The following FSTL1 variants were observed in gnomAD, a reference collection of about 807,000 sequenced individuals.
FSTL1 encodes follistatin-related protein 1.
In FSTL1, 24 loss-of-function variants were observed where a neutral mutation model predicts 45.9. The ratio of observed to expected loss-of-function variants is 0.52; its 90% CI spans 0.38 to 0.74. The LOEUF is 0.74. Ranked by LOEUF, FSTL1 falls within the 30% of genes least tolerant of loss-of-function variation. The pLI, the probability that FSTL1 is intolerant of heterozygous loss-of-function variation, is 0.00. For synonymous variants in FSTL1, 120 were observed against 137.6 expected, an observed-to-expected ratio of 0.87 and a Z score of 0.89; for missense variants, 340 against 381.8, an observed-to-expected ratio of 0.89 and a Z score of 0.91.
chr3:120,403,447 T>C, intron 7 of FSTL1, 93 bp from the exon 8 acceptor site: 1 of 725,518 alleles, frequency 1.4e-6, no homozygotes, highest in Admixed American at 2.4e-5. Flanking sequence ...ACCCAGGGCC[T>C]CCACAGGAGG....
At chr3:120,442,570 G>A (rs1426443338) in intron 2 of FSTL1, among the ~76,000 whole-genome samples, 1 of 151,868 alleles carries the variant, frequency 6.6e-6, no homozygotes, top group Non-Finnish European at 1.5e-5. Context: ...ACTTGAGGGT[G>A]GGAGTTCCAG....
intron 10 of FSTL1, among the ~76,000 whole-genome samples, chr3:120,399,152 C>G (rs144044834): frequency 6.6e-6 from 1 of 152,126 alleles, no homozygotes; most frequent in Non-Finnish European, 1.5e-5. Flanking sequence ...ATTCGGTCTA[C>G]GGACAGGTAA....
chr3:120,403,970 A>AAC (rs1936893619), intron 7 of FSTL1, among the ~76,000 whole-genome samples: 1 of 109,600 alleles, frequency 9.1e-6, no homozygotes, highest in East Asian at 7.5e-4. Context: ...ACAAAAACAA[A>AAC]AACAAAAAAA....
intron 2 of FSTL1, among the ~76,000 whole-genome samples, chr3:120,436,432 G>A (rs1937560285): frequency 6.6e-6 from 1 of 152,216 alleles, no homozygotes; most frequent in Non-Finnish European, 1.5e-5. Flanking sequence ...CACACCTGAA[G>A]TGTGTTCCTA....
At chr3:120,427,288 A>G (rs1316528440) in intron 2 of FSTL1, among the ~76,000 whole-genome samples, 1 of 151,828 alleles carries the variant, frequency 6.6e-6, no homozygotes, top group Admixed American at 6.6e-5. Context: ...CTTTGTATGA[A>G]CTCATTTTGA....
chr3:120,431,950 A>G (rs1040999066), intron 2 of FSTL1, among the ~76,000 whole-genome samples: 1 of 152,192 alleles, frequency 6.6e-6, no homozygotes, highest in Non-Finnish European at 1.5e-5. Flanking sequence ...GCCTGTGGAC[A>G]AGTCATTTCA....
At chr3:120,446,694 T>C (rs1937749659) in intron 2 of FSTL1, among the ~76,000 whole-genome samples, 1 of 152,156 alleles carries the variant, frequency 6.6e-6, no homozygotes, top group Non-Finnish European at 1.5e-5. Flanking sequence ...GAGTCTACCA[T>C]CAGAACAATT....
intron 10 of FSTL1, among the ~76,000 whole-genome samples, chr3:120,399,206 T>C (rs1036521801): frequency 8.5e-5 from 13 of 152,116 alleles, no homozygotes; most frequent in East Asian, 3.9e-4. Flanking sequence ...AATAAGCCAG[T>C]AGGAGGATGG....
intron 10 of FSTL1, among the ~76,000 whole-genome samples, chr3:120,398,394 C>T (rs966486071): frequency 3.9e-5 from 6 of 152,158 alleles, no homozygotes; most frequent in Admixed American, 1.3e-4. Context: ...CTGCCTGAGG[C>T]CTTTCTCTGG....
chr3:120,440,771 A>G (rs1458410517), intron 2 of FSTL1, among the ~76,000 whole-genome samples: 1 of 152,260 alleles, frequency 6.6e-6, no homozygotes, highest in African/African-American at 2.4e-5. Context: ...TCTAATGTGA[A>G]CGTGGTGGTT....
At chr3:120,432,746 A>G (rs1049912754) in intron 2 of FSTL1, among the ~76,000 whole-genome samples, 2 of 152,054 alleles carry the variant, frequency 1.3e-5, no homozygotes, top group African/African-American at 2.4e-5. Flanking sequence ...GGAACTCCCA[A>G]CTCCACTGAA....
At chr3:120,420,802 T>C (rs545151858) in intron 2 of FSTL1, among the ~76,000 whole-genome samples, 3 of 152,334 alleles carry the variant, frequency 2.0e-5, no homozygotes, top group African/African-American at 7.2e-5. Flanking sequence ...CACAGCTACA[T>C]GTGACTGGTC....
At chr3:120,401,251 G>A (rs536226435) in intron 9 of FSTL1, among the ~76,000 whole-genome samples, 1 of 152,310 alleles carries the variant, frequency 6.6e-6, no homozygotes, top group East Asian at 1.9e-4. Flanking sequence ...GTTTGGTCTG[G>A]AGATCCTGGC....
chr3:120,412,045 ACACACATACATG>A, intron 3 of FSTL1, 62 bp from the exon 4 acceptor site: 3 of 707,644 alleles, frequency 4.2e-6, no homozygotes, highest in Non-Finnish European at 4.5e-6. Flanking sequence ...AGACACACAC[ACACACATACATG>A]CACACACACA....
chr3:120,411,016 G>A (rs199752559), intron 4 of FSTL1, 32 bp from the exon 5 acceptor site: 17 of 1,565,164 alleles, frequency 1.1e-5, no homozygotes, highest in African/African-American at 1.4e-5. Flanking sequence ...CGTGTAATGC[G>A]AAGTGAAGGA....
At chr3:120,422,763 C>T (rs1399397179) in intron 2 of FSTL1, among the ~76,000 whole-genome samples, 1 of 151,772 alleles carries the variant, frequency 6.6e-6, no homozygotes, top group East Asian at 1.9e-4. Flanking sequence ...GGCACAATCT[C>T]AGCTCACTGT....
At chr3:120,411,086 T>C in intron 4 of FSTL1, 102 bp from the exon 5 acceptor site, 1 of 768,640 alleles carries the variant, frequency 1.3e-6, no homozygotes, top group South Asian at 1.7e-5. Flanking sequence ...GGGGAATGTT[T>C]GTAACCTTTT....
chr3:120,450,224 A>G (rs1937854162), intron 2 of FSTL1, among the ~76,000 whole-genome samples: 1 of 152,210 alleles, frequency 6.6e-6, no homozygotes, highest in Non-Finnish European at 1.5e-5. Flanking sequence ...TCATGATCTC[A>G]CTTTAAAAGA....
intron 2 of FSTL1, among the ~76,000 whole-genome samples, chr3:120,441,663 T>C (rs1937629202): frequency 6.6e-6 from 1 of 151,952 alleles, no homozygotes; most frequent in African/African-American, 2.4e-5. Context: ...CACACGTGTG[T>C]ACACACATGT....
Sources: gnomAD v4.1 joint callset for allele counts (sites outside exome capture counted in the v4.1 genomes callset) on GRCh38, gnomAD v4.1.1 for gene constraint, MANE v1.5 for transcripts, NCBI Gene and HGNC (gene_info 2026-07-23, HGNC 2026-07-21) for gene names.